GOLPH3: variants seen among roughly 807,000 people sequenced by gnomAD.
The protein encoded by GOLPH3 is golgi phosphoprotein 3, also known as coat protein GPP34.
Under a neutral mutation model 28.5 loss-of-function variants are expected in GOLPH3, and 14 were observed. The observed-to-expected ratio is 0.49, with a 90% CI of 0.32 to 0.77. The LOEUF (loss-of-function observed/expected upper bound fraction) is 0.77. Among genes scored for constraint, GOLPH3 ranks in the 30% least tolerant of loss-of-function variants. GOLPH3 has a pLI of 0.03. For synonymous variants in GOLPH3, 158 were observed against 159.2 expected (o/e 0.99, Z 0.06); for missense variants, 350 against 393.7 (o/e 0.89, Z 0.94).
rs1746444607 is a variant in GOLPH3 at position 32,156,940 on chromosome 5, TAAC to T, written c.226-13063_226-13061del. 2.0e-5 allele frequency among the ~76,000 whole-genome samples: 3 copies of T among 152,192 alleles called. No homozygotes were observed. In the South Asian group the frequency reaches 6.2e-4, roughly 31 times the overall value. On this transcript the variant is annotated intron_variant, in intron 1 of 3. Coordinates refer to ENST00000265070, the MANE Select transcript of GOLPH3 (RefSeq NM_022130.4). ...AGCAGCCCAAATAAACTAAGACAGA[TAAC>T]AAAACCAGTAAAGTAACTAAATAAT...
Position 32,125,951 on chromosome 5 carries a change from C to G in GOLPH3, c.*261G>C. 1 of 384,372 alleles carries G rather than the reference C, an allele frequency of 2.6e-6. No individual in the cohort carries two copies. The highest frequency in any genetic ancestry group is 4.4e-5 in the East Asian group (1 of 22,646). The allele number at this position is 384,372 out of a possible 1,614,324, so 23.8% of individuals were successfully genotyped here. On this transcript the variant is annotated 3_prime_UTR_variant, in exon 4 of 4. Coordinates refer to ENST00000265070, the MANE Select transcript of GOLPH3 (RefSeq NM_022130.4). Reference sequence around the variant, plus strand: ...TGAAAGTCAAAGTAGACCAGAAACCCAAAACAGGTAACAGTGAGGATGGCA... The same window carrying G: ...TGAAAGTCAAAGTAGACCAGAAACCGAAAACAGGTAACAGTGAGGATGGCA...
chr5:32,133,737 T>A (rs1745874552), intron 3 of GOLPH3, among the ~76,000 whole-genome samples: 1 of 152,212 alleles, frequency 6.6e-6, no homozygotes, highest in African/African-American at 2.4e-5. Flanking sequence ...GTATTTGTGA[T>A]GATTAAGTGA....
At chr5:32,147,980 G>A (rs1746214760) in intron 1 of GOLPH3, among the ~76,000 whole-genome samples, 1 of 152,086 alleles carries the variant, frequency 6.6e-6, no homozygotes, top group African/African-American at 2.4e-5. Context: ...ACAACCCCTG[G>A]CAATTAGTAA....
At chr5:32,129,056 G>C (rs1386224240) in intron 3 of GOLPH3, among the ~76,000 whole-genome samples, 2 of 151,872 alleles carry the variant, frequency 1.3e-5, no homozygotes, top group African/African-American at 4.8e-5. Flanking sequence ...GTAGCAGGTG[G>C]CTGTAATCCC....
chr5:32,170,771 TA>T (rs917055918), intron 1 of GOLPH3, among the ~76,000 whole-genome samples: 15 of 148,648 alleles, frequency 1.0e-4, no homozygotes, highest in South Asian at 6.3e-4. Context: ...CTCCATCTCT[TA>T]AAAAAAAAAA....
intron 1 of GOLPH3, among the ~76,000 whole-genome samples, chr5:32,162,111 A>G (rs993987372): frequency 6.6e-5 from 10 of 151,480 alleles, no homozygotes; most frequent in Non-Finnish European, 1.3e-4. Flanking sequence ...TTCCCAAACC[A>G]GTTTTGCCAG....
intron 1 of GOLPH3, among the ~76,000 whole-genome samples, chr5:32,172,613 T>G (rs1284697131): frequency 2.0e-5 from 3 of 152,146 alleles, no homozygotes; most frequent in Non-Finnish European, 4.4e-5. Flanking sequence ...GAAAATCGCT[T>G]GAACCCGGGA....
At chr5:32,146,819 A>G (rs966707998) in intron 1 of GOLPH3, among the ~76,000 whole-genome samples, 1 of 152,156 alleles carries the variant, frequency 6.6e-6, no homozygotes, top group African/African-American at 2.4e-5. Flanking sequence ...AGAGTGTCCA[A>G]TCTTTTGGCT....
intron 2 of GOLPH3, among the ~76,000 whole-genome samples, chr5:32,141,776 A>AT (rs1353907340): frequency 4.6e-5 from 7 of 151,862 alleles, no homozygotes; most frequent in Middle Eastern, 3.4e-3. Context: ...TGGTTTTCGT[A>AT]TTTTTTTGGT....
intron 1 of GOLPH3, among the ~76,000 whole-genome samples, chr5:32,148,298 T>C (rs1746222039): frequency 6.6e-6 from 1 of 152,220 alleles, no homozygotes; most frequent in South Asian, 2.1e-4. Context: ...GGCAAACCAG[T>C]TTGCAACCGC....
At chr5:32,134,573 T>TA (rs1223542617) in intron 3 of GOLPH3, among the ~76,000 whole-genome samples, 1 of 151,590 alleles carries the variant, frequency 6.6e-6, no homozygotes, top group Non-Finnish European at 1.5e-5. Flanking sequence ...CCTGTAGTCT[T>TA]AGCTACTCCA....
intron 1 of GOLPH3, among the ~76,000 whole-genome samples, chr5:32,156,903 A>C (rs1581552219): frequency 6.6e-6 from 1 of 152,206 alleles, no homozygotes; most frequent in Admixed American, 6.5e-5. Flanking sequence ...TCCTTGGTCT[A>C]TGGTATTTTA....
intron 1 of GOLPH3, among the ~76,000 whole-genome samples, chr5:32,146,944 G>C (rs1048755963): frequency 6.6e-6 from 1 of 151,852 alleles, no homozygotes; most frequent in Non-Finnish European, 1.5e-5. Flanking sequence ...TTTTAACAAA[G>C]TTTACAAATT....
chr5:32,131,837 T>C (rs1437874971), intron 3 of GOLPH3, among the ~76,000 whole-genome samples: 1 of 152,230 alleles, frequency 6.6e-6, no homozygotes, highest in Non-Finnish European at 1.5e-5. Flanking sequence ...CTTGACATCA[T>C]CTTACAAAAC....
intron 1 of GOLPH3, among the ~76,000 whole-genome samples, chr5:32,156,458 G>A (rs1389291308): frequency 6.6e-6 from 1 of 151,776 alleles, no homozygotes; most frequent in Admixed American, 6.6e-5. Flanking sequence ...AATGGAGACT[G>A]CGCCACTGCA....
chr5:32,161,961 A>G (rs1746590936), intron 1 of GOLPH3, among the ~76,000 whole-genome samples: 1 of 151,054 alleles, frequency 6.6e-6, no homozygotes, highest in African/African-American at 2.5e-5. Flanking sequence ...CGGGAGGCAG[A>G]GCTTGCAGTG....
chr5:32,160,308 AC>A lies in GOLPH3; in HGVS notation c.225+13501del, dbSNP rs1746545416. The stretch of plus-strand genomic sequence containing the variant: ...GCCCAGGCTGGTCTCGAACTCCTGG[AC>A]TCAGGCAATCCTCCTATCTTGGTCT... On this transcript the variant is annotated intron_variant, in intron 1 of 3. Coordinates refer to ENST00000265070, the MANE Select transcript of GOLPH3 (RefSeq NM_022130.4). Among the ~76,000 whole-genome samples, 5 of 152,282 alleles carry A rather than the reference AC, an allele frequency of 3.3e-5. No homozygotes were observed. In the South Asian group the frequency reaches 1.0e-3, roughly 32 times the overall value.
At chr5:32,161,279 TGTAGTCCCGGCTACTTGGA>T (rs1472089459) in intron 1 of GOLPH3, among the ~76,000 whole-genome samples, 1 of 150,038 alleles carries the variant, frequency 6.7e-6, no homozygotes, top group Non-Finnish European at 1.5e-5. Flanking sequence ...GGCGCACGCC[TGTAGTCCCGGCTACTTGGA>T]AGGCTGAGGT....
chr5:32,162,728 T>G (rs1014932815), intron 1 of GOLPH3, among the ~76,000 whole-genome samples: 2 of 152,216 alleles, frequency 1.3e-5, no homozygotes, highest in Non-Finnish European at 2.9e-5. Context: ...TTCAAAGCAC[T>G]CACATATGCC....
Sources: gnomAD v4.1 joint callset for allele counts (sites outside exome capture counted in the v4.1 genomes callset) on GRCh38, gnomAD v4.1.1 for gene constraint, MANE v1.5 for transcripts, NCBI Gene and HGNC (gene_info 2026-07-23, HGNC 2026-07-21) for gene names.